PHAX: variants seen among roughly 807,000 people sequenced by gnomAD.
PHAX encodes phosphorylated adaptor for RNA export.
A neutral mutation model predicts 41.6 loss-of-function variants in PHAX; 31 were observed. That is an observed-to-expected ratio of 0.75 (90% confidence interval 0.56 to 1.01). The LOEUF (loss-of-function observed/expected upper bound fraction) is 1.01, where lower values mean the gene tolerates loss of function less well. Ranked by LOEUF, PHAX falls within the 50% of genes least tolerant of loss-of-function variation. The pLI, the probability that PHAX is intolerant of heterozygous loss-of-function variation, is 0.00. For synonymous variants in PHAX, 175 were observed against 164.9 expected, an observed-to-expected ratio of 1.06 and a Z score of -0.47; for missense variants, 453 against 472.9, an observed-to-expected ratio of 0.96 and a Z score of 0.39.
chr5:126,611,160 A>G (rs982567475), intron 3 of PHAX, among the ~76,000 whole-genome samples: 5 of 151,488 alleles, frequency 3.3e-5, no homozygotes, highest in African/African-American at 1.2e-4. Flanking sequence ...GGTTCAAGCG[A>G]TTCTCCTGCC....
intron 1 of PHAX, among the ~76,000 whole-genome samples, chr5:126,603,097 G>A (rs1751929433): frequency 6.6e-6 from 1 of 151,494 alleles, no homozygotes. Context: ...AAAATAGCTG[G>A]GTATGGTGAA....
chr5:126,616,347 C>T (rs972576330), intron 3 of PHAX, among the ~76,000 whole-genome samples: 16 of 152,102 alleles, frequency 1.1e-4, no homozygotes, highest in African/African-American at 3.1e-4. Context: ...CCACCCGCCT[C>T]GGCGTCCAAA....
intron 4 of PHAX, among the ~76,000 whole-genome samples, chr5:126,619,394 A>G (rs1752235867): frequency 6.6e-6 from 1 of 152,038 alleles, no homozygotes; most frequent in Non-Finnish European, 1.5e-5. Context: ...CCTGGCCAGC[A>G]TGGTGAAACC....
chr5:126,602,236 C>T (rs767544064), intron 1 of PHAX, among the ~76,000 whole-genome samples: 1 of 152,202 alleles, frequency 6.6e-6, no homozygotes, highest in African/African-American at 2.4e-5. Flanking sequence ...CGCGAGCCAC[C>T]GCGCCCGGCC....
intron 3 of PHAX, 76 bp from the exon 4 acceptor site, chr5:126,617,174 G>T (rs1752198932): frequency 1.2e-6 from 1 of 819,814 alleles, no homozygotes; most frequent in Non-Finnish European, 2.0e-6. Context: ...CCCCTTAATT[G>T]TGTCTCTGTT....
chr5:126,611,036 T>G (rs1007241691), intron 3 of PHAX, among the ~76,000 whole-genome samples: 9 of 146,086 alleles, frequency 6.2e-5, no homozygotes, highest in Non-Finnish European at 8.9e-5. Flanking sequence ...TTTTTTTGTT[T>G]TTTTTCTTTT....
intron 1 of PHAX, among the ~76,000 whole-genome samples, chr5:126,603,034 C>T (rs1227636107): frequency 2.7e-5 from 4 of 149,536 alleles, no homozygotes; most frequent in Non-Finnish European, 1.5e-5. Context: ...ACATGCCCAG[C>T]CTGGGCAACT....
At chr5:126,604,617 G>C (rs1192803492) in intron 2 of PHAX, among the ~76,000 whole-genome samples, 2 of 152,042 alleles carry the variant, frequency 1.3e-5, no homozygotes, top group African/African-American at 2.4e-5. Context: ...TGCCCAGGCT[G>C]GAGTGCAGTG....
rs1218544450 is a variant in PHAX, at chr5:126,601,006, A to G, written c.44A>G (p.Asp15Gly). 1 of 1,605,868 alleles carries G rather than the reference A, an allele frequency of 6.2e-7. No individual in the cohort carries two copies. Among genetic ancestry groups the G allele is most frequent in the South Asian group, 1.1e-5 (1 of 90,746 alleles). ...VGDMEDGQLS[D>G]SDSDMTVAPS... ...GATATGGAAGATGGGCAGCTTTCCG[A>G]CTCGGATTCCGACATGACGGTCGCA... is the stretch of plus-strand genomic sequence containing the variant. Residue 15 changes from aspartate (D) to glycine (G), a missense_variant, in exon 1 of 5, where the codon GAC becomes GGC. Coordinates refer to ENST00000297540, the MANE Select transcript of PHAX (RefSeq NM_032177.4).
At chr5:126,614,179 A>T (rs1193950849) in intron 3 of PHAX, among the ~76,000 whole-genome samples, 1 of 151,976 alleles carries the variant, frequency 6.6e-6, no homozygotes, top group Admixed American at 6.6e-5. Flanking sequence ...GCTCACTGCA[A>T]CCTCTGCCTC....
At chr5:126,612,648 CCGGGAT>C (rs1752120633) in intron 3 of PHAX, among the ~76,000 whole-genome samples, 1 of 152,036 alleles carries the variant, frequency 6.6e-6, no homozygotes, top group Non-Finnish European at 1.5e-5. Context: ...TTGCCATGAG[CCGGGAT>C]TGCGCCATTG....
Position 126,608,349 on chromosome 5 carries a change from C to T in PHAX, c.711-15C>T. On this transcript the variant is annotated splice_polypyrimidine_tract_variant and intron_variant, in intron 2 of 4. Coordinates refer to ENST00000297540, the MANE Select transcript of PHAX (RefSeq NM_032177.4). ...ACAACAAACAAAGAGGATAATTTTA[C>T]TTGTTTCTCATCAGGTTACAGGAAC... is the stretch of plus-strand genomic sequence containing the variant. 1 of 1,609,754 alleles carries T rather than the reference C, an allele frequency of 6.2e-7. No individual in the cohort carries two copies. The highest frequency in any genetic ancestry group is 1.1e-5 in the South Asian group (1 of 90,540).
intron 2 of PHAX, 115 bp from the exon 3 acceptor site, chr5:126,608,249 A>T (rs1561679777): frequency 1.6e-6 from 2 of 1,226,080 alleles, no homozygotes; most frequent in African/African-American, 3.1e-5. Flanking sequence ...AATATTGAAG[A>T]TTTAGAAAAC....
At chr5:126,619,716 G>A (rs761290831) in intron 4 of PHAX, among the ~76,000 whole-genome samples, 25 of 152,020 alleles carry the variant, frequency 1.6e-4, no homozygotes, top group African/African-American at 5.1e-4. Flanking sequence ...AGACTCTTTA[G>A]TATTTTAAAT....
chr5:126,601,586 C>CA (rs755887435), intron 1 of PHAX, among the ~76,000 whole-genome samples: 16 of 152,320 alleles, frequency 1.1e-4, no homozygotes, highest in Non-Finnish European at 1.9e-4. Context: ...ATCGCTCACT[C>CA]AAAGATCTGG....
chr5:126,622,600 CT>C (rs1050331080), intron 4 of PHAX, among the ~76,000 whole-genome samples: 6 of 151,660 alleles, frequency 4.0e-5, no homozygotes, highest in Non-Finnish European at 5.9e-5. Flanking sequence ...GCCAAAGTTT[CT>C]TTTTAATAAG....
At chr5:126,622,099 G>C (rs540435958) in intron 4 of PHAX, among the ~76,000 whole-genome samples, 37 of 151,868 alleles carry the variant, frequency 2.4e-4, no homozygotes, top group Non-Finnish European at 4.3e-4. Context: ...GATTACAGGT[G>C]CCCGCCACCA....
At chr5:126,622,892 G>A (rs770516280) in intron 4 of PHAX, among the ~76,000 whole-genome samples, 7 of 152,008 alleles carry the variant, frequency 4.6e-5, no homozygotes, top group South Asian at 2.1e-4. Context: ...TTGGGAGGCC[G>A]AGGCAGGTGG....
intron 3 of PHAX, among the ~76,000 whole-genome samples, chr5:126,611,584 G>A (rs77900059): frequency 0.095 from 14,497 of 151,986 alleles, 1,001 homozygotes; most frequent in East Asian, 0.31. Flanking sequence ...ACAGGAGTTC[G>A]AGACCAGCCT....
Sources: gnomAD v4.1 joint callset for allele counts (sites outside exome capture counted in the v4.1 genomes callset) on GRCh38, gnomAD v4.1.1 for gene constraint, MANE v1.5 for transcripts, NCBI Gene and HGNC (gene_info 2026-07-23, HGNC 2026-07-21) for gene names.